BBS9: variants seen among roughly 807,000 people sequenced by gnomAD.
BBS9 encodes the protein protein PTHB1.
In BBS9, 89 loss-of-function variants were observed where a neutral mutation model predicts 117.7. The ratio of observed to expected loss-of-function variants is 0.76; its 90% CI spans 0.64 to 0.90. The LOEUF (loss-of-function observed/expected upper bound fraction) is 0.90. Among genes scored for constraint, BBS9 ranks in the 40% least tolerant of loss-of-function variants. The probability of loss-of-function intolerance (pLI) is 0.00; values close to 1 mark genes in which losing one functional copy is unlikely to be tolerated. For synonymous variants in BBS9, 379 were observed against 370.9 expected, an observed-to-expected ratio of 1.02 and a Z score of -0.25; for missense variants, 982 against 1,042.2, an observed-to-expected ratio of 0.94 and a Z score of 0.80.
At chr7:33,488,988 CTTTTTTTTT>C (rs869216155) in intron 19 of BBS9, among the ~76,000 whole-genome samples, 2,070 of 103,400 alleles carry the variant, frequency 0.02, 61 homozygotes, top group African/African-American at 0.074. Flanking sequence ...GGACAGACTT[CTTTTTTTTT>C]TTTTTTTTTT....
chr7:33,303,839 C>T (rs192279296), intron 9 of BBS9, among the ~76,000 whole-genome samples: 5 of 152,244 alleles, frequency 3.3e-5, no homozygotes, highest in East Asian at 1.9e-4. Flanking sequence ...AGTGCAGTGG[C>T]GTGATCTCGG....
At chr7:33,528,417 A>G (rs1297072065) in intron 20 of BBS9, among the ~76,000 whole-genome samples, 1 of 151,796 alleles carries the variant, frequency 6.6e-6, no homozygotes, top group East Asian at 1.9e-4. Flanking sequence ...TTACTGTGGC[A>G]TTTTGTGGTT....
intron 19 of BBS9, among the ~76,000 whole-genome samples, chr7:33,483,386 T>C (rs1285976575): frequency 1.3e-5 from 2 of 152,224 alleles, no homozygotes; most frequent in East Asian, 3.8e-4. Flanking sequence ...CTCTGTTCAA[T>C]GATAATGGTG....
chr7:33,379,059 C>A (rs887023461), intron 17 of BBS9, among the ~76,000 whole-genome samples: 8 of 152,170 alleles, frequency 5.3e-5, no homozygotes, highest in Admixed American at 2.0e-4. Flanking sequence ...TTAACAGAAG[C>A]TGGTATAATG....
chr7:33,293,005 CAA>C (rs113240543), intron 9 of BBS9, among the ~76,000 whole-genome samples: 3 of 109,762 alleles, frequency 2.7e-5, no homozygotes, highest in Non-Finnish European at 3.8e-5. Context: ...GACTCCGTCT[CAA>C]AAAAAAAAAA....
chr7:33,201,283 T>G (rs1009314051), intron 5 of BBS9, among the ~76,000 whole-genome samples: 1 of 152,180 alleles, frequency 6.6e-6, no homozygotes, highest in Admixed American at 6.5e-5. Context: ...CCTTGTTTAG[T>G]TCACCCTCTT....
chr7:33,265,681 C>T (rs1478440203), intron 7 of BBS9, among the ~76,000 whole-genome samples: 1 of 151,938 alleles, frequency 6.6e-6, no homozygotes, highest in African/African-American at 2.4e-5. Flanking sequence ...CCCATCTCCA[C>T]TAAAATACAA....
Position 33,601,757 on chromosome 7 carries a change from C to T in BBS9, c.2522-3108C>T, listed in dbSNP as rs147624092. On this transcript the variant is annotated intron_variant, in intron 21 of 22. Coordinates refer to ENST00000242067, the MANE Select transcript of BBS9 (RefSeq NM_198428.3). Reference sequence around the variant, plus strand: ...TGCCATTTTCTTTTTGCAAGATACGCAGTCATCAGAAGCAGCATCTGAAAT... The same window carrying T: ...TGCCATTTTCTTTTTGCAAGATACGTAGTCATCAGAAGCAGCATCTGAAAT... 1.1e-3 allele frequency among the ~76,000 whole-genome samples: 174 copies of T among 152,266 alleles called. 2 individuals are homozygous for T. Among genetic ancestry groups the T allele is most frequent in the South Asian group, 9.5e-3 (46 of 4,822 alleles).
chr7:33,305,531 G>A (rs535761642), intron 9 of BBS9, among the ~76,000 whole-genome samples: 6 of 152,192 alleles, frequency 3.9e-5, no homozygotes, highest in East Asian at 1.9e-4. Flanking sequence ...TAAAGTCATC[G>A]TGTCCCAGGC....
intron 15 of BBS9, 99 bp downstream of exon 15, chr7:33,352,972 C>T (rs753736678): frequency 6.4e-5 from 79 of 1,234,912 alleles, no homozygotes; most frequent in Non-Finnish European, 8.8e-5. Context: ...TTATGGACTG[C>T]TCTTTTAACT....
At chr7:33,367,314 T>G (rs971320185) in intron 16 of BBS9, among the ~76,000 whole-genome samples, 4 of 152,214 alleles carry the variant, frequency 2.6e-5, no homozygotes, top group Non-Finnish European at 4.4e-5. Context: ...AGTCTCTGTA[T>G]GAACTCATGC....
At chr7:33,220,060 C>T (rs1463692320) in intron 5 of BBS9, among the ~76,000 whole-genome samples, 6 of 152,152 alleles carry the variant, frequency 3.9e-5, no homozygotes, top group East Asian at 1.9e-4. Flanking sequence ...ACACTCACCG[C>T]GAGGGTCCGT....
downstream of BBS9, among the ~76,000 whole-genome samples, chr7:33,608,077 ATTG>A (rs572481354): frequency 2.5e-3 from 381 of 151,810 alleles, 1 homozygote; most frequent in African/African-American, 8.9e-3. Context: ...CCCAGTGTCT[ATTG>A]TTGTTATCTT....
chr7:33,472,056 A>G (rs1841117896), intron 19 of BBS9, among the ~76,000 whole-genome samples: 1 of 152,196 alleles, frequency 6.6e-6, no homozygotes, highest in Non-Finnish European at 1.5e-5. Context: ...ACTGACAGAG[A>G]AACTTCTAGA....
intron 21 of BBS9, among the ~76,000 whole-genome samples, chr7:33,616,487 G>GTT (rs1259475056): frequency 7.2e-6 from 1 of 139,098 alleles, no homozygotes; most frequent in Non-Finnish European, 1.5e-5. Flanking sequence ...ATATGTGTGT[G>GTT]TGTGTGTATA....
At chr7:33,477,504 G>C (rs1841960806) in intron 19 of BBS9, among the ~76,000 whole-genome samples, 1 of 152,064 alleles carries the variant, frequency 6.6e-6, no homozygotes. Context: ...TCTCATAATA[G>C]AGGTTATTAT....
intron 7 of BBS9, among the ~76,000 whole-genome samples, chr7:33,266,737 ATATT>A (rs544823483): frequency 2.0e-5 from 3 of 151,472 alleles, no homozygotes; most frequent in Admixed American, 6.6e-5. Context: ...ATCTATATCT[ATATT>A]TATTTATTTA....
chr7:33,501,591 C>G (rs115444334), intron 19 of BBS9, among the ~76,000 whole-genome samples: 334 of 152,312 alleles, frequency 2.2e-3, no homozygotes, highest in African/African-American at 7.8e-3. Flanking sequence ...TCTTCCATAA[C>G]AGCTGTGTTT....
At chr7:33,488,911 A>C (rs749985220) in intron 19 of BBS9, among the ~76,000 whole-genome samples, 15 of 152,000 alleles carry the variant, frequency 9.9e-5, no homozygotes, top group Non-Finnish European at 1.6e-4. Context: ...GGTTTTTAGC[A>C]GAGCATTACT....
Sources: gnomAD v4.1 joint callset for allele counts (sites outside exome capture counted in the v4.1 genomes callset) on GRCh38, gnomAD v4.1.1 for gene constraint, MANE v1.5 for transcripts, NCBI Gene and HGNC (gene_info 2026-07-23, HGNC 2026-07-21) for gene names.